The following COP1 variants were observed in gnomAD, a reference collection of about 807,000 sequenced individuals.
The protein encoded by COP1 is COP1 E3 ubiquitin ligase.
COP1 carries 24 observed loss-of-function variants against 101.3 expected under a neutral mutation model. The observed-to-expected ratio is 0.24, with a 90% CI of 0.17 to 0.33. The LOEUF is 0.33. COP1 is among the 10% of genes least tolerant of loss of function. COP1 has a pLI of 1.00. For missense variants in COP1, 663 were observed against 906.2 expected (o/e 0.73, Z 3.45); for synonymous variants, 347 against 341.9 (o/e 1.01, Z -0.17).
At position 176,172,684 on chromosome 1, in the gene COP1, T is replaced by A. The variant is rs114408259; in HGVS notation, c.565+3226A>T. On this transcript the variant is annotated intron_variant, in intron 3 of 19. Coordinates refer to ENST00000367669, the MANE Select transcript of COP1 (RefSeq NM_022457.7). ...ACCCAACTAAGAACTGCAGGCATTA[T>A]GCAAATCATGCCGTCTTAAGCTGAA... is the stretch of plus-strand genomic sequence containing the variant. Among the ~76,000 whole-genome samples, 895 of 152,344 alleles carry A rather than the reference T, an allele frequency of 5.9e-3. 12 individuals carry two copies. The highest frequency in any genetic ancestry group is 0.021 in the African/African-American group (858 of 41,572).
At chr1:176,092,473 C>T (rs879748885) in intron 9 of COP1, among the ~76,000 whole-genome samples, 4 of 152,058 alleles carry the variant, frequency 2.6e-5, no homozygotes, top group African/African-American at 7.2e-5. Context: ...AAGATATTTG[C>T]AGTATCCAAA....
chr1:176,182,387 A>T (rs965969546), intron 2 of COP1, among the ~76,000 whole-genome samples: 3 of 152,210 alleles, frequency 2.0e-5, no homozygotes, highest in African/African-American at 2.4e-5. Context: ...TTAGCGCTAG[A>T]TGAGTACTTC....
intron 2 of COP1, among the ~76,000 whole-genome samples, chr1:176,178,884 G>C (rs1379176763): frequency 4.6e-5 from 7 of 151,342 alleles, no homozygotes; most frequent in Admixed American, 4.6e-4. Flanking sequence ...AAAGGTAAGA[G>C]ACATGCCGGG....
intron 11 of COP1, among the ~76,000 whole-genome samples, chr1:176,068,073 G>C (rs1458373895): frequency 1.3e-5 from 2 of 152,152 alleles, no homozygotes; most frequent in East Asian, 3.8e-4. Flanking sequence ...GCATGTGCGG[G>C]TACAGGAGGT....
intron 9 of COP1, among the ~76,000 whole-genome samples, chr1:176,108,562 C>T (rs1484177646): frequency 3.9e-5 from 6 of 152,124 alleles, no homozygotes; most frequent in Non-Finnish European, 7.4e-5. Context: ...CCTTCCTCCA[C>T]CTACCCTTCC....
At chr1:175,949,135 C>G (rs1472142177) in intron 18 of COP1, among the ~76,000 whole-genome samples, 1 of 117,578 alleles carries the variant, frequency 8.5e-6, no homozygotes, top group Non-Finnish European at 1.6e-5. Flanking sequence ...TGCACTCCAG[C>G]CTGGCTGGAG....
chr1:176,085,649 T>G (rs1416672555), intron 10 of COP1, 127 bp downstream of exon 10: 1 of 480,198 alleles, frequency 2.1e-6, no homozygotes, highest in Non-Finnish European at 3.8e-6. Flanking sequence ...CATGATGATC[T>G]GGTAGACTAT....
At chr1:176,202,046 G>A (rs1314952217) in intron 1 of COP1, among the ~76,000 whole-genome samples, 1 of 152,096 alleles carries the variant, frequency 6.6e-6, no homozygotes, top group East Asian at 1.9e-4. Context: ...TTTCCTATCA[G>A]AGGAAATTCA....
intron 8 of COP1, among the ~76,000 whole-genome samples, chr1:176,123,902 T>A (rs533031460): frequency 1.3e-5 from 2 of 152,252 alleles, no homozygotes; most frequent in Admixed American, 6.5e-5. Flanking sequence ...TAAAGTAGCA[T>A]CTCTACCACT....
intron 17 of COP1, among the ~76,000 whole-genome samples, chr1:175,987,852 T>C (rs192981722): frequency 1.6e-3 from 242 of 152,288 alleles, no homozygotes; most frequent in African/African-American, 5.0e-3. Flanking sequence ...ATAAAAGCCA[T>C]AGAATAACAG....
intron 2 of COP1, among the ~76,000 whole-genome samples, chr1:176,177,304 C>T (rs1697096243): frequency 6.8e-6 from 1 of 147,958 alleles, no homozygotes; most frequent in Non-Finnish European, 1.5e-5. Flanking sequence ...AAGTATTTTT[C>T]ACCAAATCAT....
intron 15 of COP1, among the ~76,000 whole-genome samples, chr1:176,024,751 A>G (rs184227914): frequency 6.6e-6 from 1 of 152,324 alleles, no homozygotes; most frequent in East Asian, 1.9e-4. Flanking sequence ...GAGATACAAG[A>G]GAGATATATA....
At position 176,081,858 on chromosome 1, in the gene COP1, A is replaced by G. The variant is rs182595045; in HGVS notation, c.1142-571T>C. Among the ~76,000 whole-genome samples the G allele has an allele frequency of 9.2e-5, 14 of 152,310 alleles. No individual in the cohort carries two copies. In the East Asian group the frequency reaches 2.7e-3, roughly 29 times the overall value. On this transcript the variant is annotated intron_variant, in intron 10 of 19. Transcript: ENST00000367669. ...CTATTAATTCTAAAAAACAAACAAAAAAAGTTTGAAATTGCTCCTTTTTAT... is the reference window on the plus strand; with the variant it reads ...CTATTAATTCTAAAAAACAAACAAAGAAAGTTTGAAATTGCTCCTTTTTAT...
intron 3 of COP1, among the ~76,000 whole-genome samples, chr1:176,167,969 T>A (rs1026331654): frequency 1.3e-5 from 2 of 151,968 alleles, no homozygotes; most frequent in African/African-American, 4.8e-5. Context: ...ATTTTTTTTT[T>A]AAACAGGGAT....
At chr1:176,191,091 AT>A (rs1553315681) in intron 1 of COP1, among the ~76,000 whole-genome samples, 1 of 152,046 alleles carries the variant, frequency 6.6e-6, no homozygotes, top group Non-Finnish European at 1.5e-5. Flanking sequence ...TGATTTTATA[AT>A]TTATAATGCC....
intron 18 of COP1, among the ~76,000 whole-genome samples, chr1:175,985,330 T>C (rs145227839): frequency 4.6e-5 from 7 of 152,350 alleles, no homozygotes; most frequent in Non-Finnish European, 7.3e-5. Flanking sequence ...GCCCTAGTTA[T>C]TGTAGTTACA....
At chr1:176,196,526 T>TA (rs1699716937) in intron 1 of COP1, among the ~76,000 whole-genome samples, 1 of 152,146 alleles carries the variant, frequency 6.6e-6, no homozygotes, top group Non-Finnish European at 1.5e-5. Flanking sequence ...CTTAAACTAC[T>TA]AAAGTTCATG....
intron 18 of COP1, among the ~76,000 whole-genome samples, chr1:175,952,384 T>C (rs1650054324): frequency 6.7e-6 from 1 of 148,540 alleles, no homozygotes; most frequent in Non-Finnish European, 1.5e-5. Flanking sequence ...ATGGCACCAT[T>C]GCACTCCATC....
intron 18 of COP1, among the ~76,000 whole-genome samples, chr1:175,978,194 T>C (rs919816699): frequency 1.1e-4 from 17 of 152,152 alleles, no homozygotes; most frequent in African/African-American, 4.1e-4. Flanking sequence ...ATTCTATGCT[T>C]CAAGATTGGC....
Sources: allele counts gnomAD v4.1 joint callset (sites outside exome capture counted in the v4.1 genomes callset), GRCh38; gene constraint gnomAD v4.1.1; transcripts MANE v1.5; gene names NCBI Gene and HGNC (gene_info 2026-07-23, HGNC 2026-07-21).